Variants in PCCA observed in about 807,000 individuals in gnomAD.
PCCA encodes the protein propionyl-CoA carboxylase subunit alpha.
In PCCA, 74 loss-of-function variants were observed where a neutral mutation model predicts 101.3. The ratio of observed to expected loss-of-function variants is 0.73; its 90% CI spans 0.61 to 0.89. The LOEUF (loss-of-function observed/expected upper bound fraction) is 0.89. PCCA is among the 40% of genes least tolerant of loss of function. PCCA has a pLI of 0.00. For missense variants in PCCA, 891 were observed against 907.0 expected, an observed-to-expected ratio of 0.98 and a Z score of 0.23; for synonymous variants, 294 against 313.6, an observed-to-expected ratio of 0.94 and a Z score of 0.66.
chr13:100,228,104 C>G (rs1395026169), intron 7 of PCCA, among the ~76,000 whole-genome samples: 1 of 152,106 alleles, frequency 6.6e-6, no homozygotes, highest in Non-Finnish European at 1.5e-5. Context: ...CAACTTCTGC[C>G]TCCCGGGTTC....
chr13:100,485,771 C>T (rs1044860249), intron 21 of PCCA, among the ~76,000 whole-genome samples: 1 of 152,150 alleles, frequency 6.6e-6, no homozygotes, highest in Non-Finnish European at 1.5e-5. Context: ...ATATGGAGCA[C>T]TCAGTATGTG....
chr13:100,193,020 C>T (rs746741626), intron 6 of PCCA, among the ~76,000 whole-genome samples: 9 of 152,086 alleles, frequency 5.9e-5, no homozygotes, highest in African/African-American at 9.7e-5. Context: ...TGAAAAGGGA[C>T]GCTAATCAGA....
At chr13:100,475,418 T>C (rs2152960262) in intron 21 of PCCA, among the ~76,000 whole-genome samples, 1 of 152,350 alleles carries the variant, frequency 6.6e-6, no homozygotes, top group East Asian at 1.9e-4. Context: ...AATCATACAG[T>C]ATGTCGTCTT....
intron 19 of PCCA, among the ~76,000 whole-genome samples, chr13:100,410,783 C>T (rs891840870): frequency 6.6e-6 from 1 of 152,046 alleles, no homozygotes; most frequent in African/African-American, 2.4e-5. Context: ...AAGAGAAACT[C>T]GTTTCTTATT....
At chr13:100,151,070 T>C in intron 4 of PCCA, 15 of 1,549,146 alleles carry the variant, frequency 9.7e-6, no homozygotes, top group Non-Finnish European at 1.3e-5. Flanking sequence ...TCTCCGTAGC[T>C]CCTGGATGTA....
intron 7 of PCCA, among the ~76,000 whole-genome samples, chr13:100,215,958 A>G (rs1226264879): frequency 6.6e-6 from 1 of 152,092 alleles, no homozygotes; most frequent in Non-Finnish European, 1.5e-5. Context: ...ACTTTAAATC[A>G]TCTCTAGATT....
intron 18 of PCCA, among the ~76,000 whole-genome samples, chr13:100,368,214 T>A (rs548338714): frequency 6.8e-4 from 104 of 152,072 alleles, no homozygotes; most frequent in Non-Finnish European, 1.2e-3. Context: ...AATTTTTTTT[T>A]AAAAAAACCA....
At chr13:100,185,943 G>A (rs563754860) in intron 6 of PCCA, among the ~76,000 whole-genome samples, 6 of 152,322 alleles carry the variant, frequency 3.9e-5, no homozygotes, top group Non-Finnish European at 7.4e-5. Flanking sequence ...CACTGTGCCC[G>A]GCTAAATTTC....
chr13:100,237,812 A>G (rs1168100406), intron 8 of PCCA, among the ~76,000 whole-genome samples: 1 of 152,136 alleles, frequency 6.6e-6, no homozygotes, highest in African/African-American at 2.4e-5. Context: ...ATTTACAGTT[A>G]CACTGCAGTG....
intron 2 of PCCA, among the ~76,000 whole-genome samples, chr13:100,108,905 A>G (rs1489258929): frequency 2.0e-5 from 3 of 152,188 alleles, no homozygotes; most frequent in South Asian, 2.1e-4. Context: ...ATATGCATCT[A>G]TGATTTATTT....
intron 16 of PCCA, among the ~76,000 whole-genome samples, chr13:100,310,634 C>G (rs2066833302): frequency 6.6e-6 from 1 of 152,130 alleles, no homozygotes; most frequent in Non-Finnish European, 1.5e-5. Context: ...AAGGAGTACT[C>G]TTTTGTATTT....
At chr13:100,117,414 T>G (rs2048892691) in intron 4 of PCCA, among the ~76,000 whole-genome samples, 1 of 150,292 alleles carries the variant, frequency 6.7e-6, no homozygotes, top group African/African-American at 2.5e-5. Flanking sequence ...TGTATCCATA[T>G]GTACATTGTG....
At chr13:100,172,269 T>G (rs1314798989) in intron 6 of PCCA, among the ~76,000 whole-genome samples, 2 of 152,100 alleles carry the variant, frequency 1.3e-5, no homozygotes, top group African/African-American at 4.8e-5. Context: ...AGACAAACTT[T>G]TGAAGGAAGT....
intron 14 of PCCA, among the ~76,000 whole-genome samples, chr13:100,303,801 T>C (rs972209140): frequency 6.6e-6 from 1 of 152,190 alleles, no homozygotes; most frequent in Admixed American, 6.5e-5. Flanking sequence ...TTTTTGCCCA[T>C]GTGCTTTCTA....
chr13:100,258,289 G>A (rs1044267297), intron 9 of PCCA, among the ~76,000 whole-genome samples: 2 of 152,158 alleles, frequency 1.3e-5, no homozygotes, highest in African/African-American at 4.8e-5. Context: ...CAAATTCAAG[G>A]GGAGGGGACT....
chr13:100,151,736 G>C (rs912882228), intron 4 of PCCA, among the ~76,000 whole-genome samples: 2 of 152,210 alleles, frequency 1.3e-5, no homozygotes, highest in African/African-American at 2.4e-5. Context: ...CTTAGTGTTA[G>C]TATTTAAAAT....
Position 100,422,066 on chromosome 13 carries a change from T to TCTC in PCCA, c.1747-3567_1747-3566insCTC, listed in dbSNP as rs59029057. ...TCTTTCTTTTCCTTTTCTCTTCTCT[T>TCTC]TTCTTTTCTTTCTTTCTTTCTTTCT... is the stretch of plus-strand genomic sequence containing the variant. On this transcript the variant is annotated intron_variant, in intron 19 of 23. Coordinates refer to ENST00000376285, the MANE Select transcript of PCCA (RefSeq NM_000282.4). Among the ~76,000 whole-genome samples, 6 of 21,456 alleles carry TCTC rather than the reference T, an allele frequency of 2.8e-4. No homozygotes were observed. In the East Asian group the frequency reaches 6.2e-3, roughly 22 times the overall value. 14.1% of individuals were successfully genotyped at this position (21,456 alleles called of 152,430 possible). A position where few individuals can be genotyped will look rare whatever the true frequency, so the allele number is the denominator to read the frequency against.
Position 100,230,383 on chromosome 13 carries a change from T to C in PCCA, c.601-5459T>C, listed in dbSNP as rs549404346. 8.6e-5 allele frequency among the ~76,000 whole-genome samples: 13 copies of C among 151,868 alleles called. No homozygotes were observed. In the South Asian group the frequency reaches 2.5e-3, roughly 29 times the overall value. On this transcript the variant is annotated intron_variant, in intron 7 of 23. Transcript: ENST00000376285. ...AAAATGGTGAAACCCTGTCTCTACT[T>C]AGAATACAAAAATTAGCCGGGTGTG...
intron 6 of PCCA, among the ~76,000 whole-genome samples, chr13:100,177,899 A>G (rs1374865933): frequency 6.6e-6 from 1 of 152,198 alleles, no homozygotes; most frequent in Non-Finnish European, 1.5e-5. Flanking sequence ...TCAACTGTGA[A>G]GGAGATCTTT....
Sources: allele counts gnomAD v4.1 joint callset (sites outside exome capture counted in the v4.1 genomes callset), GRCh38; gene constraint gnomAD v4.1.1; transcripts MANE v1.5; gene names NCBI Gene and HGNC (gene_info 2026-07-23, HGNC 2026-07-21).